Variants in TSPAN13 observed in about 807,000 individuals in gnomAD.
TSPAN13 encodes the protein tetraspanin 13.
In TSPAN13, 18 loss-of-function variants were observed where a neutral mutation model predicts 26.9. The ratio of observed to expected loss-of-function variants is 0.67; its 90% confidence interval spans 0.46 to 0.99. TSPAN13 has a LOEUF of 0.99. Ranked by LOEUF, TSPAN13 falls within the 50% of genes least tolerant of loss-of-function variation. The probability of loss-of-function intolerance (pLI) is 0.00; values close to 1 mark genes in which losing one functional copy is unlikely to be tolerated. For synonymous variants in TSPAN13, 116 were observed against 98.4 expected, an observed-to-expected ratio of 1.18 and a Z score of -1.06; for missense variants, 201 against 249.6, an observed-to-expected ratio of 0.81 and a Z score of 1.31.
chr7:16,767,540 A>C (rs1364396091), intron 1 of TSPAN13, among the ~76,000 whole-genome samples: 1 of 152,214 alleles, frequency 6.6e-6, no homozygotes, highest in East Asian at 1.9e-4. Flanking sequence ...AGTTGGGTAC[A>C]TAGGTGTTCT....
At chr7:16,766,804 C>T (rs1215340877) in intron 1 of TSPAN13, among the ~76,000 whole-genome samples, 1 of 152,086 alleles carries the variant, frequency 6.6e-6, no homozygotes, top group Non-Finnish European at 1.5e-5. Flanking sequence ...GAATTGGTGA[C>T]TTAGTAAGAA....
chr7:16,780,013 T>C (rs1784797836), intron 5 of TSPAN13, among the ~76,000 whole-genome samples: 1 of 152,102 alleles, frequency 6.6e-6, no homozygotes, highest in Non-Finnish European at 1.5e-5. Context: ...CCTCGTGATC[T>C]GCCCACCTCG....
chr7:16,771,396 G>A (rs1583792116), intron 1 of TSPAN13, among the ~76,000 whole-genome samples: 1 of 152,114 alleles, frequency 6.6e-6, no homozygotes, highest in South Asian at 2.1e-4. Flanking sequence ...CTACAAACAC[G>A]TTACTTTACA....
At position 16,753,776 on chromosome 7, in the gene TSPAN13, C is replaced by T. The variant is rs1296738899; in HGVS notation, c.-192C>T. The T allele has an allele frequency of 3.4e-5, 16 of 464,990 alleles. No individual in the cohort carries two copies. Among genetic ancestry groups the T allele is most frequent in the South Asian group, 3.0e-4 (8 of 26,726 alleles). 28.8% of individuals were successfully genotyped at this position (464,990 alleles called of 1,614,324 possible). On this transcript the variant is annotated 5_prime_UTR_variant, in exon 1 of 6. Coordinates refer to ENST00000262067, the MANE Select transcript of TSPAN13 (RefSeq NM_014399.4). Reference sequence around the variant, plus strand: ...TGCTCCGGCTCAGCTGCGGCGGCCGCAGGTTCCAAAGCGGGTCCGAGCCGC... The same window carrying T: ...TGCTCCGGCTCAGCTGCGGCGGCCGTAGGTTCCAAAGCGGGTCCGAGCCGC...
At chr7:16,768,198 G>A (rs188939492) in intron 1 of TSPAN13, among the ~76,000 whole-genome samples, 75 of 152,354 alleles carry the variant, frequency 4.9e-4, no homozygotes, top group African/African-American at 1.3e-3. Context: ...ACAGGCGTGA[G>A]CCACCGCACC....
rs1784454386 is a variant in TSPAN13 at position 16,754,126 on chromosome 7, A to G, written c.63+96A>G. 3.9e-6 allele frequency: 5 copies of G among 1,286,998 alleles called. No individual in the cohort carries two copies. In the Admixed American group the frequency reaches 6.4e-5, roughly 16 times the overall value. 79.7% of individuals were successfully genotyped at this position (1,286,998 alleles called of 1,614,324 possible). ...GCCTGGTCAGCGACTCACTCGTTGC[A>G]TCCCGCGCCCCCTTCCCGGCTTCCC... On this transcript the variant is annotated intron_variant, in intron 1 of 5. Transcript: ENST00000262067.
intron 1 of TSPAN13, among the ~76,000 whole-genome samples, chr7:16,756,270 C>T (rs1289800580): frequency 6.6e-6 from 1 of 152,222 alleles, no homozygotes; most frequent in Non-Finnish European, 1.5e-5. Context: ...GGAGACATTT[C>T]TCTATAAGTC....
intron 1 of TSPAN13, among the ~76,000 whole-genome samples, chr7:16,774,547 GA>G (rs2115333410): frequency 6.6e-6 from 1 of 152,328 alleles, no homozygotes; most frequent in South Asian, 2.1e-4. Context: ...TGAAGGGGCA[GA>G]GGACTTTTTC....
intron 1 of TSPAN13, 140 bp from the exon 2 acceptor site, chr7:16,776,071 T>C (rs143843003): frequency 1.5e-6 from 1 of 671,876 alleles, no homozygotes; most frequent in Non-Finnish European, 2.4e-6. Flanking sequence ...GTGTGTATTC[T>C]TGTATTAAGT....
At chr7:16,779,436 G>GC (rs1003710742) in intron 5 of TSPAN13, among the ~76,000 whole-genome samples, 1 of 151,974 alleles carries the variant, frequency 6.6e-6, no homozygotes, top group African/African-American at 2.4e-5. Flanking sequence ...TTTGGAAAAG[G>GC]TAGGACATTC....
intron 1 of TSPAN13, among the ~76,000 whole-genome samples, chr7:16,761,895 T>C (rs910501656): frequency 1.3e-5 from 2 of 152,124 alleles, no homozygotes; most frequent in Non-Finnish European, 2.9e-5. Flanking sequence ...ATAGTCCTTC[T>C]GTATCTTACT....
Position 16,783,703 on chromosome 7 carries a change from C to T in TSPAN13, c.*212C>T, listed in dbSNP as rs79521643. The T allele has an allele frequency of 0.05, 27,844 of 557,360 alleles. 1,003 individuals carry two copies. Among genetic ancestry groups the T allele is most frequent in the African/African-American group, 0.14 (7,462 of 53,404 alleles). 34.5% of individuals were successfully genotyped at this position (557,360 alleles called of 1,614,324 possible). A position where few individuals can be genotyped will look rare whatever the true frequency, so the allele number is the denominator to read the frequency against. On this transcript the variant is annotated 3_prime_UTR_variant, in exon 6 of 6. Coordinates refer to ENST00000262067, the MANE Select transcript of TSPAN13 (RefSeq NM_014399.4). ...TTTGAAACTTGTGGTCTCTGAAGCT[C>T]GGTGGCACCTGGAATTTACTGTATT...
At chr7:16,757,077 C>A (rs1349978267) in intron 1 of TSPAN13, among the ~76,000 whole-genome samples, 1 of 151,950 alleles carries the variant, frequency 6.6e-6, no homozygotes, top group African/African-American at 2.4e-5. Flanking sequence ...AAGACAGGAT[C>A]TAGATGAGAG....
At chr7:16,757,899 T>A (rs1350588645) in intron 1 of TSPAN13, among the ~76,000 whole-genome samples, 2 of 152,188 alleles carry the variant, frequency 1.3e-5, no homozygotes, top group African/African-American at 4.8e-5. Context: ...AATGGCGCGA[T>A]CTTGGCTCAC....
At chr7:16,782,944 A>G (rs1368787213) in intron 5 of TSPAN13, among the ~76,000 whole-genome samples, 1 of 152,168 alleles carries the variant, frequency 6.6e-6, no homozygotes, top group Non-Finnish European at 1.5e-5. Context: ...CCCTCCTTTT[A>G]CATCTTCAAA....
At chr7:16,755,164 AC>A (rs1410442892) in intron 1 of TSPAN13, among the ~76,000 whole-genome samples, 1 of 152,052 alleles carries the variant, frequency 6.6e-6, no homozygotes, top group African/African-American at 2.4e-5. Context: ...CAAACCCAGC[AC>A]CCCTGCATTA....
At chr7:16,757,112 C>T (rs149433941) in intron 1 of TSPAN13, among the ~76,000 whole-genome samples, 2 of 151,920 alleles carry the variant, frequency 1.3e-5, no homozygotes, top group African/African-American at 2.4e-5. Flanking sequence ...AATTAAATGG[C>T]GTATAAGGAA....
rs115422435 is a variant in TSPAN13 at position 16,759,014 on chromosome 7, C to G, written c.63+4984C>G. On this transcript the variant is annotated intron_variant, in intron 1 of 5. Coordinates refer to ENST00000262067, the MANE Select transcript of TSPAN13 (RefSeq NM_014399.4). ...TGGAGTTTATATTTATGGGGGTGGA[C>G]AGATGATAAATAAGTAAGTAAATTA... Among the ~76,000 whole-genome samples, 1,437 of 152,088 alleles carry G rather than the reference C, an allele frequency of 9.4e-3. 24 individuals are homozygous for G. The highest frequency in any genetic ancestry group is 0.033 in the African/African-American group (1,366 of 41,508).
intron 1 of TSPAN13, among the ~76,000 whole-genome samples, chr7:16,754,264 G>C (rs1430357614): frequency 1.3e-5 from 2 of 152,110 alleles, no homozygotes; most frequent in Non-Finnish European, 2.9e-5. Context: ...CAGGCTCGCT[G>C]GCCGCGTCTC....
Sources: gnomAD v4.1 joint callset for allele counts (sites outside exome capture counted in the v4.1 genomes callset) on GRCh38, gnomAD v4.1.1 for gene constraint, MANE v1.5 for transcripts, NCBI Gene and HGNC (gene_info 2026-07-23, HGNC 2026-07-21) for gene names.